MMP2: variants seen among roughly 807,000 people sequenced by gnomAD.
The protein encoded by MMP2 is matrix metallopeptidase 2.
A neutral mutation model predicts 74.8 loss-of-function variants in MMP2; 39 were observed. The observed-to-expected ratio is 0.52, with a 90% CI of 0.40 to 0.68. The LOEUF is 0.68. Ranked by LOEUF, MMP2 falls within the 30% of genes least tolerant of loss-of-function variation. The pLI is 0.00. For missense variants in MMP2, 803 were observed against 878.3 expected (o/e 0.91, Z 1.08); for synonymous variants, 367 against 339.8 (o/e 1.08, Z -0.88).
In MMP2 at chr16:55,489,724, T is replaced by G. The variant is rs1273085903; in HGVS notation, c.1080T>G (p.Tyr360Ter). The part of the protein sequence containing the change: ...VFPFTFLGNK[Y>*]ESCTSAGRSD... The stretch of plus-strand genomic sequence containing the variant: ...CCTTCACTTTCCTGGGCAACAAATA[T>G]GAGAGCTGCACCAGCGCCGGCCGCA... Residue 360 changes from tyrosine (Y) to a stop codon, truncating the protein, a stop_gained, in exon 7 of 13, where the codon TAT becomes TAG. Coordinates refer to ENST00000219070, the MANE Select transcript of MMP2 (RefSeq NM_004530.6). LOFTEE classifies it high-confidence loss of function. The G allele has an allele frequency of 1.2e-6, 2 of 1,614,116 alleles. No homozygotes were observed. Among genetic ancestry groups the G allele is most frequent in the Non-Finnish European group, 1.7e-6 (2 of 1,180,022 alleles).
At chr16:55,504,628 T>A (rs1219134904) in intron 12 of MMP2, among the ~76,000 whole-genome samples, 1 of 151,142 alleles carries the variant, frequency 6.6e-6, no homozygotes, top group African/African-American at 2.4e-5. Flanking sequence ...TTTTCTTCAA[T>A]CAGCTCAGAT....
chr16:55,491,146 C>T (rs1962395901), intron 7 of MMP2, among the ~76,000 whole-genome samples: 1 of 151,522 alleles, frequency 6.6e-6, no homozygotes, highest in Non-Finnish European at 1.5e-5. Context: ...CTCACTGCAA[C>T]CTCTGCCTCC....
intron 1 of MMP2, 144 bp downstream of exon 1, chr16:55,479,776 AGCT>A (rs1962050888): frequency 1.2e-5 from 12 of 1,009,650 alleles, no homozygotes; most frequent in Non-Finnish European, 1.8e-5. Flanking sequence ...GTCTTTGGCA[AGCT>A]ATTGGAGTGA....
intron 1 of MMP2, among the ~76,000 whole-genome samples, chr16:55,480,858 A>G (rs143556720): frequency 0.011 from 1,664 of 152,104 alleles, 25 homozygotes; most frequent in African/African-American, 0.037. Flanking sequence ...ACCTCCATAC[A>G]TTTTTAGAGG....
chr16:55,490,513 T>C (rs543325294), intron 7 of MMP2, among the ~76,000 whole-genome samples: 75 of 152,230 alleles, frequency 4.9e-4, no homozygotes, highest in African/African-American at 1.7e-3. Context: ...TACTATGTGC[T>C]CAGTGCAGTG....
intron 11 of MMP2, among the ~76,000 whole-genome samples, chr16:55,502,038 T>C (rs1294979539): frequency 6.6e-6 from 1 of 152,152 alleles, no homozygotes; most frequent in Non-Finnish European, 1.5e-5. Flanking sequence ...ATGCCCAAAG[T>C]ATTTACCTGA....
intron 12 of MMP2, among the ~76,000 whole-genome samples, chr16:55,503,346 T>C (rs1962717662): frequency 6.6e-6 from 1 of 152,198 alleles, no homozygotes; most frequent in African/African-American, 2.4e-5. Flanking sequence ...AGTTTGCCCC[T>C]GGCCCCCTGC....
At chr16:55,503,996 A>T (rs1234472422) in intron 12 of MMP2, among the ~76,000 whole-genome samples, 2 of 152,246 alleles carry the variant, frequency 1.3e-5, no homozygotes, top group Middle Eastern at 3.4e-3. Context: ...CTACAAAAAA[A>T]TTTTAAAAAA....
Position 55,479,663 on chromosome 16 carries a change from C to G in MMP2, c.153+31C>G, listed in dbSNP as rs17859835. ...TTGCTGCGCTGGCCTCAAGGAACCA[C>G]GTTTAGACAAACTTCGGAGGCAAAG... On this transcript the variant is annotated intron_variant, in intron 1 of 12. Transcript: ENST00000219070. The G allele has an allele frequency of 9.9e-3, 16,006 of 1,613,396 alleles. 102 individuals are homozygous for G. The highest frequency in any genetic ancestry group is 0.012 in the Non-Finnish European group (13,812 of 1,179,862).
chr16:55,491,662 A>AT, intron 7 of MMP2, 139 bp from the exon 8 acceptor site: 1 of 1,003,966 alleles, frequency 1.0e-6, no homozygotes. Context: ...AGAAAAAAAA[A>AT]ATCAATACAT....
At chr16:55,485,470 T>C in intron 4 of MMP2, 43 bp downstream of exon 4, 1 of 1,613,876 alleles carries the variant, frequency 6.2e-7, no homozygotes, top group Non-Finnish European at 8.5e-7. Context: ...TTCTCTCCTG[T>C]CCTCTCTCCA....
chr16:55,494,807 C>T (rs1054688411), intron 9 of MMP2, among the ~76,000 whole-genome samples: 5 of 152,200 alleles, frequency 3.3e-5, no homozygotes, highest in East Asian at 1.9e-4. Context: ...TTTGTGAGCA[C>T]GTCCCAGTCA....
chr16:55,488,768 A>T, intron 6 of MMP2, 52 bp downstream of exon 6: 1 of 1,303,484 alleles, frequency 7.7e-7, no homozygotes, highest in Non-Finnish European at 1.0e-6. Context: ...GCTGTCTGAC[A>T]AAAAAAAAAC....
Position 55,505,661 on chromosome 16 carries a change from C to A in MMP2, c.*219C>A. 1.7e-6 allele frequency: 1 copy of A among 594,734 alleles called. No individual in the cohort carries two copies. The highest frequency in any genetic ancestry group is 2.8e-5 in the East Asian group (1 of 35,238). 36.8% of individuals were successfully genotyped at this position (594,734 alleles called of 1,614,324 possible). A position where few individuals can be genotyped will look rare whatever the true frequency, so the allele number is the denominator to read the frequency against. ...GTACTCCTCCCAGGCGCCCCTTCCC[C>A]CTCCAATCCCACCAACCCTCAGAGC... On this transcript the variant is annotated 3_prime_UTR_variant, in exon 13 of 13. Transcript: ENST00000219070.
At chr16:55,486,398 C>T (rs17859894) in intron 5 of MMP2, among the ~76,000 whole-genome samples, 6,668 of 108,152 alleles carry the variant, frequency 0.062, 230 homozygotes, top group East Asian at 0.14. Context: ...TGTCTGGGCA[C>T]GGGGGCTATA....
Position 55,498,428 on chromosome 16 carries a change from T to C in MMP2, c.1749T>C (p.Phe583=). Residue 583 remains phenylalanine (F), a synonymous_variant, in exon 11 of 13, where the codon TTT becomes TTC. Coordinates refer to ENST00000219070, the MANE Select transcript of MMP2 (RefSeq NM_004530.6). ...GCAAAAACAAGAAGACATACATCTT[T>C]GCTGGAGACAAATTCTGGAGGTAAG... ...NWSKNKKTYI[F]AGDKFWRYNE... The C allele has an allele frequency of 6.2e-7, 1 of 1,614,190 alleles. No individual in the cohort carries two copies. The highest frequency in any genetic ancestry group is 8.5e-7 in the Non-Finnish European group (1 of 1,180,020).
At chr16:55,502,605 A>G (rs1962693177) in intron 11 of MMP2, among the ~76,000 whole-genome samples, 174 bp from the exon 12 acceptor site, 1 of 151,916 alleles carries the variant, frequency 6.6e-6, no homozygotes, top group Admixed American at 6.6e-5. Context: ...TGAGGCTCAG[A>G]CTCAGGTCTG....
chr16:55,490,743 T>A (rs768796879), intron 7 of MMP2, among the ~76,000 whole-genome samples: 6 of 152,168 alleles, frequency 3.9e-5, no homozygotes, highest in Admixed American at 3.3e-4. Context: ...AAAGGAGGTT[T>A]TCTTATCCCC....
Position 55,491,884 on chromosome 16 carries a change from G to A in MMP2, c.1264G>A (p.Ala422Thr). 6.2e-7 allele frequency: 1 copy of A among 1,613,976 alleles called. No homozygotes were observed. Among genetic ancestry groups the A allele is most frequent in the Non-Finnish European group, 8.5e-7 (1 of 1,179,954 alleles). The change falls in exon 8 of 13, where the codon GCA becomes ACA. Residue 422 changes from alanine to threonine, a missense_variant. Ala to Thr is a moderately conservative substitution (Grantham distance 58). Around this residue, in one of 3 missense-constraint regions of MMP2, gnomAD observed 555 missense variants for 592.0 expected, o/e 0.94. Coordinates refer to ENST00000219070, the MANE Select transcript of MMP2 (RefSeq NM_004530.6). ...CTCCCAAGACCCTGGGGCCCTGATGGCACCCATTTACACCTACACCAAGAA... is the reference window on the plus strand; with the variant it reads ...CTCCCAAGACCCTGGGGCCCTGATGACACCCATTTACACCTACACCAAGAA... ...EHSQDPGALM[A>T]PIYTYTKNFR... is the part of the protein sequence containing the mutation.
Sources: gnomAD v4.1 joint callset for allele counts (sites outside exome capture counted in the v4.1 genomes callset) on GRCh38, gnomAD v4.1.1 for gene constraint, gnomAD v4.1.1 regional missense constraint, MANE v1.5 for transcripts, NCBI Gene and HGNC (gene_info 2026-07-23, HGNC 2026-07-21) for gene names.